The following TRIM9 variants were observed in gnomAD, a reference collection of about 807,000 sequenced individuals.
The protein encoded by TRIM9 is tripartite motif containing 9.
Under a neutral mutation model 78.3 loss-of-function variants are expected in TRIM9, and 26 were observed. The observed-to-expected ratio is 0.33, with a 90% CI of 0.24 to 0.46. The LOEUF (loss-of-function observed/expected upper bound fraction) is 0.46. TRIM9 is among the 20% of genes least tolerant of loss of function. The pLI, the probability that TRIM9 is intolerant of heterozygous loss-of-function variation, is 1.00. For missense variants in TRIM9, 787 were observed against 1,036.4 expected, an observed-to-expected ratio of 0.76 and a Z score of 3.30; for synonymous variants, 398 against 416.5, an observed-to-expected ratio of 0.96 and a Z score of 0.54.
At chr14:51,032,908 T>C (rs536153218) in intron 1 of TRIM9, among the ~76,000 whole-genome samples, 1 of 152,324 alleles carries the variant, frequency 6.6e-6, no homozygotes, top group East Asian at 1.9e-4. Flanking sequence ...TTTGAGCGTC[T>C]TGTCAGCACT....
At chr14:51,026,214 C>G (rs145039458) in intron 1 of TRIM9, among the ~76,000 whole-genome samples, 1 of 152,060 alleles carries the variant, frequency 6.6e-6, no homozygotes, top group African/African-American at 2.4e-5. Flanking sequence ...CACTGTGGTT[C>G]CTGACTTTAG....
In TRIM9 at chr14:50,976,173, G is replaced by T. The variant is rs575378512; in HGVS notation, c.*1118C>A. ...GTATCATAGCAGCATCAGCAAATAA[G>T]AATGCTGACATCATTTCTACCAAGA... is the stretch of plus-strand genomic sequence containing the variant. On this transcript the variant is annotated 3_prime_UTR_variant, in exon 13 of 13. Transcript: ENST00000684578. 1 of 152,444 alleles carries T rather than the reference G, an allele frequency of 6.6e-6. No homozygotes were observed. Among genetic ancestry groups the T allele is most frequent in the African/African-American group, 2.4e-5 (1 of 41,456 alleles). The allele number at this position is 152,444 out of a possible 1,614,324, so 9.4% of individuals were successfully genotyped here.
chr14:50,998,802 T>C (rs1236758195), intron 6 of TRIM9, among the ~76,000 whole-genome samples: 1 of 152,244 alleles, frequency 6.6e-6, no homozygotes, highest in Non-Finnish European at 1.5e-5. Flanking sequence ...AAATAAATCC[T>C]AGCATAATGC....
intron 1 of TRIM9, among the ~76,000 whole-genome samples, chr14:51,050,672 C>T (rs1380529692): frequency 6.6e-6 from 1 of 152,170 alleles, no homozygotes; most frequent in Non-Finnish European, 1.5e-5. Flanking sequence ...TCCTATGTGC[C>T]TTCTGAAGCC....
At chr14:51,014,094 A>G (rs2056886859) in intron 3 of TRIM9, among the ~76,000 whole-genome samples, 1 of 152,198 alleles carries the variant, frequency 6.6e-6, no homozygotes, top group Admixed American at 6.5e-5. Flanking sequence ...TCTGCTTTTG[A>G]GATAAAATAG....
At chr14:51,028,781 C>CA (rs1157289919) in intron 1 of TRIM9, among the ~76,000 whole-genome samples, 1 of 152,162 alleles carries the variant, frequency 6.6e-6, no homozygotes, top group African/African-American at 2.4e-5. Flanking sequence ...GATCTCCAGT[C>CA]AAGTTGTTCT....
At chr14:51,004,896 T>C (rs192326477) in intron 5 of TRIM9, among the ~76,000 whole-genome samples, 45 of 152,316 alleles carry the variant, frequency 3.0e-4, no homozygotes, top group Non-Finnish European at 3.4e-4. Flanking sequence ...TTTCCTATAA[T>C]GTGAACAATA....
chr14:51,074,322 A>G (rs1301321488), intron 1 of TRIM9, among the ~76,000 whole-genome samples: 1 of 152,202 alleles, frequency 6.6e-6, no homozygotes, highest in East Asian at 1.9e-4. Flanking sequence ...CAGTATGTAA[A>G]TAATGGTATG....
chr14:51,020,243 G>A (rs2057618881), intron 3 of TRIM9, among the ~76,000 whole-genome samples: 2 of 152,176 alleles, frequency 1.3e-5, no homozygotes, highest in African/African-American at 4.8e-5. Flanking sequence ...CAACAAGAGT[G>A]ACAAGAAAGG....
chr14:51,080,544 A>G (rs569886302), intron 1 of TRIM9, among the ~76,000 whole-genome samples: 133 of 152,012 alleles, frequency 8.7e-4, no homozygotes, highest in African/African-American at 3.0e-3. Flanking sequence ...AATAAAAAAA[A>G]GGGGTCTTGG....
In TRIM9 at chr14:50,981,981, T is replaced by G; in HGVS notation, c.1981A>C (p.Lys661Gln). 2 of 1,614,198 alleles carry G rather than the reference T, an allele frequency of 1.2e-6. No individual in the cohort carries two copies. Among genetic ancestry groups the G allele is most frequent in the South Asian group, 2.2e-5 (2 of 91,086 alleles). The change falls in exon 11 of 13, where the codon AAG becomes CAG. Residue 661 changes from lysine to glutamine, a missense_variant. Physicochemically the swap from Lys to Gln is moderately conservative, Grantham distance 53 (BLOSUM62 1). Transcript: ENST00000684578. ...GTGAGCTCCCAGTAGTGGATGCCCT[T>G]GGAGAAGCCAGTCTTCCCTAGCACC... The part of the protein sequence containing the change: ...RVVLGKTGFS[K>Q]GIHYWELTVD...
At chr14:51,066,622 A>C (rs973583358) in intron 1 of TRIM9, among the ~76,000 whole-genome samples, 1 of 152,244 alleles carries the variant, frequency 6.6e-6, no homozygotes, top group Non-Finnish European at 1.5e-5. Flanking sequence ...TAAAGATCTT[A>C]ACTGGCTTTT....
chr14:51,073,441 A>G (rs548028576), intron 1 of TRIM9, among the ~76,000 whole-genome samples: 11 of 152,386 alleles, frequency 7.2e-5, no homozygotes, highest in Admixed American at 3.3e-4. Context: ...TGAAACATTC[A>G]TAAAAATGGA....
At chr14:51,081,377 T>A (rs55679457) in intron 1 of TRIM9, among the ~76,000 whole-genome samples, 75,022 of 152,116 alleles carry the variant, frequency 0.49, 19,569 homozygotes, top group African/African-American at 0.65. Flanking sequence ...AGAAATTCGA[T>A]CACTCATACA....
rs538629578 is a variant in TRIM9 at position 50,989,252 on chromosome 14, T to C, written c.1604-3108A>G. On this transcript the variant is annotated intron_variant, in intron 7 of 12. Coordinates refer to ENST00000684578, the MANE Select transcript of TRIM9 (RefSeq NM_001387360.1). The stretch of plus-strand genomic sequence containing the variant: ...CAATATGACAACATTGAGAACAGTA[T>C]TGCCACTCCCTGGTTTAGCCGAATC... Among the ~76,000 whole-genome samples, 3 of 152,306 alleles carry C rather than the reference T, an allele frequency of 2.0e-5. No individual in the cohort carries two copies. In the South Asian group the frequency reaches 6.2e-4, roughly 32 times the overall value.
chr14:51,009,063 G>C lies in TRIM9; in HGVS notation c.1306+17C>G. Reference sequence around the variant, plus strand: ...CTCAGGATGTTGCTCTCTGACTTGGGGGATGCAAGGACATACCTTTCACTT... The same window carrying C: ...CTCAGGATGTTGCTCTCTGACTTGGCGGATGCAAGGACATACCTTTCACTT... On this transcript the variant is annotated intron_variant, in intron 5 of 12. Transcript: ENST00000684578. 1.9e-6 allele frequency: 3 copies of C among 1,612,706 alleles called. No homozygotes were observed. Among genetic ancestry groups the C allele is most frequent in the Non-Finnish European group, 2.5e-6 (3 of 1,179,474 alleles).
intron 3 of TRIM9, among the ~76,000 whole-genome samples, chr14:51,013,994 T>C (rs957118689): frequency 6.6e-5 from 10 of 152,178 alleles, no homozygotes; most frequent in African/African-American, 9.7e-5. Context: ...CATCATTTCA[T>C]CATCCAAATG....
intron 12 of TRIM9, chr14:50,979,125 A>T (rs1261099741): frequency 2.9e-6 from 4 of 1,397,898 alleles, no homozygotes; most frequent in Non-Finnish European, 3.7e-6. Flanking sequence ...TACAGAGATG[A>T]TCATTAGCCA....
chr14:51,056,962 G>A (rs1194555542), intron 1 of TRIM9, among the ~76,000 whole-genome samples: 3 of 152,176 alleles, frequency 2.0e-5, no homozygotes, highest in Admixed American at 2.0e-4. Flanking sequence ...ATATTCATCT[G>A]ATTTGGTTTA....
Sources: allele counts gnomAD v4.1 joint callset (sites outside exome capture counted in the v4.1 genomes callset), GRCh38; gene constraint gnomAD v4.1.1; transcripts MANE v1.5; gene names NCBI Gene and HGNC (gene_info 2026-07-23, HGNC 2026-07-21).